ZNF148: variants seen among roughly 807,000 people sequenced by gnomAD.
The protein encoded by ZNF148 is Beta-Enolase Repressor Factor-1.
In ZNF148, 7 loss-of-function variants were observed where a neutral mutation model predicts 67.7. The ratio of observed to expected loss-of-function variants is 0.10; its 90% CI spans 0.06 to 0.19. The LOEUF (loss-of-function observed/expected upper bound fraction) is 0.19. Ranked by LOEUF, ZNF148 falls within the 10% of genes least tolerant of loss-of-function variation. The pLI, the probability that ZNF148 is intolerant of heterozygous loss-of-function variation, is 1.00. For missense variants in ZNF148, 583 were observed against 947.1 expected (o/e 0.62, Z 5.05); for synonymous variants, 333 against 330.7 (o/e 1.01, Z -0.08).
intron 3 of ZNF148, among the ~76,000 whole-genome samples, chr3:125,317,787 A>T (rs1940591974): frequency 6.6e-6 from 1 of 150,818 alleles, no homozygotes; most frequent in Non-Finnish European, 1.5e-5. Flanking sequence ...CATGAAGAAG[A>T]CTAATTTTGA....
At chr3:125,302,733 T>C (rs1343820084) in intron 4 of ZNF148, among the ~76,000 whole-genome samples, 2 of 152,196 alleles carry the variant, frequency 1.3e-5, no homozygotes, top group Non-Finnish European at 2.9e-5. Context: ...ATTCAAAATA[T>C]ACTGTTAAGT....
intron 1 of ZNF148, among the ~76,000 whole-genome samples, chr3:125,343,081 G>T (rs550931455): frequency 7.2e-5 from 11 of 152,276 alleles, no homozygotes; most frequent in Non-Finnish European, 1.5e-4. Flanking sequence ...TATTAAACCA[G>T]AAATGTAACA....
chr3:125,311,595 G>A (rs1440218880), intron 4 of ZNF148, among the ~76,000 whole-genome samples: 1 of 151,570 alleles, frequency 6.6e-6, no homozygotes, highest in Admixed American at 6.6e-5. Context: ...AAAATCAAAT[G>A]TACATCAATT....
intron 5 of ZNF148, 68 bp from the exon 6 acceptor site, chr3:125,279,315 T>A (rs566028399): frequency 4.6e-5 from 59 of 1,290,808 alleles, no homozygotes; most frequent in Admixed American, 1.6e-4. Flanking sequence ...ATAGTAATTT[T>A]AAAAAAAAGA....
chr3:125,318,844 T>G (rs1233228229), intron 3 of ZNF148, among the ~76,000 whole-genome samples: 1 of 152,156 alleles, frequency 6.6e-6, no homozygotes. Flanking sequence ...TAAATCTCCC[T>G]TTCGCAGATT....
At chr3:125,319,969 C>G (rs1442759419) in intron 3 of ZNF148, among the ~76,000 whole-genome samples, 1 of 152,180 alleles carries the variant, frequency 6.6e-6, no homozygotes, top group Non-Finnish European at 1.5e-5. Context: ...AGCAATCAAA[C>G]TGTCCTTAGC....
At chr3:125,256,033 A>G (rs1937058056) in intron 7 of ZNF148, among the ~76,000 whole-genome samples, 1 of 151,862 alleles carries the variant, frequency 6.6e-6, no homozygotes, top group Admixed American at 6.6e-5. Flanking sequence ...TTTATCTGGG[A>G]TTCCAATTAT....
intron 5 of ZNF148, among the ~76,000 whole-genome samples, chr3:125,284,082 C>T (rs1258738530): frequency 6.6e-6 from 1 of 151,996 alleles, no homozygotes; most frequent in African/African-American, 2.4e-5. Flanking sequence ...TTAAAAATAT[C>T]CTCTCTCTCA....
chr3:125,278,976 T>A (rs1938222440), intron 6 of ZNF148, 148 bp downstream of exon 6: 1 of 810,612 alleles, frequency 1.2e-6, no homozygotes, highest in Non-Finnish European at 1.8e-6. Flanking sequence ...TTTTTCCTGG[T>A]TTCCTTCTGA....
chr3:125,262,537 A>T (rs1457096166), intron 7 of ZNF148, among the ~76,000 whole-genome samples: 1 of 152,216 alleles, frequency 6.6e-6, no homozygotes, highest in Non-Finnish European at 1.5e-5. Flanking sequence ...CATGGGAGAA[A>T]TTTCACATAT....
At chr3:125,281,928 A>T (rs1938410742) in intron 5 of ZNF148, among the ~76,000 whole-genome samples, 1 of 152,192 alleles carries the variant, frequency 6.6e-6, no homozygotes, top group Non-Finnish European at 1.5e-5. Context: ...TGTTTTAAAT[A>T]TATCCAACTG....
chr3:125,278,803 C>T (rs1938211388), intron 6 of ZNF148, among the ~76,000 whole-genome samples: 1 of 152,118 alleles, frequency 6.6e-6, no homozygotes, highest in South Asian at 2.1e-4. Context: ...TCTGCCTGGA[C>T]ATTTTGCACA....
intron 7 of ZNF148, among the ~76,000 whole-genome samples, chr3:125,273,189 A>AC (rs1337236432): frequency 5.9e-5 from 9 of 152,178 alleles, no homozygotes; most frequent in Non-Finnish European, 7.4e-5. Flanking sequence ...CTCTAACCCC[A>AC]CCCCATTAGC....
chr3:125,232,774 T>C lies in ZNF148; in HGVS notation c.1952A>G (p.Tyr651Cys). 2 of 1,613,936 alleles carry C rather than the reference T, an allele frequency of 1.2e-6. No individual in the cohort carries two copies. The highest frequency in any genetic ancestry group is 2.2e-5 in the East Asian group (1 of 44,884). The change falls in exon 9 of 9, where the codon TAT becomes TGT. Residue 651 changes from tyrosine (Y) to cysteine (C), a missense_variant. Tyr to Cys is a radical substitution (Grantham distance 194). Coordinates refer to ENST00000360647, the MANE Select transcript of ZNF148 (RefSeq NM_021964.3). This position sits in a 1 kb window ranked among gnomAD's most constrained non-coding sequence, Gnocchi z 4.2. The stretch of plus-strand genomic sequence containing the variant: ...AAAGCTATTGATGGGCATGGTGGCA[T>C]AGACCTGCTTGTCTATGGAAGAGAA... ...PAFSSIDKQV[Y>C]ATMPINSFRS... is the part of the protein sequence containing the mutation.
intron 1 of ZNF148, among the ~76,000 whole-genome samples, chr3:125,334,213 G>A (rs1468229730): frequency 6.6e-6 from 1 of 152,092 alleles, no homozygotes; most frequent in Non-Finnish European, 1.5e-5. Context: ...ACTAGCAGGT[G>A]GTCCAATTTA....
chr3:125,261,192 AC>A (rs911883263), intron 7 of ZNF148, among the ~76,000 whole-genome samples: 1 of 152,180 alleles, frequency 6.6e-6, no homozygotes, highest in African/African-American at 2.4e-5. Flanking sequence ...ACATTAAGGA[AC>A]TGGTAAGGCT....
At chr3:125,359,834 GC>G (rs1320138875) in intron 1 of ZNF148, among the ~76,000 whole-genome samples, 1 of 152,180 alleles carries the variant, frequency 6.6e-6, no homozygotes, top group Non-Finnish European at 1.5e-5. Context: ...CCACCTGCCT[GC>G]CCTGCCATGG....
At chr3:125,352,865 T>TA (rs1420651831) in intron 1 of ZNF148, among the ~76,000 whole-genome samples, 36 of 152,258 alleles carry the variant, frequency 2.4e-4, no homozygotes, top group African/African-American at 8.4e-4. Flanking sequence ...TAAGACTCAC[T>TA]ATAAAGCTAT....
At chr3:125,251,715 A>T (rs1476896211) in intron 7 of ZNF148, among the ~76,000 whole-genome samples, 1 of 152,202 alleles carries the variant, frequency 6.6e-6, no homozygotes, top group Admixed American at 6.5e-5. Flanking sequence ...TCTTGATGGA[A>T]ATCTGGGTTG....
Sources: allele counts gnomAD v4.1 joint callset (sites outside exome capture counted in the v4.1 genomes callset), GRCh38; gene constraint gnomAD v4.1.1; non-coding constraint Gnocchi (gnomAD v3.1); transcripts MANE v1.5; gene names NCBI Gene and HGNC (gene_info 2026-07-23, HGNC 2026-07-21).